EEF2KMT: variants seen among roughly 807,000 people sequenced by gnomAD.
EEF2KMT encodes protein-lysine N-methyltransferase EEF2KMT.
In EEF2KMT, 30 loss-of-function variants were observed where a neutral mutation model predicts 35.1. The ratio of observed to expected loss-of-function variants is 0.85; its 90% confidence interval spans 0.64 to 1.16. EEF2KMT has a LOEUF of 1.16. Ranked by LOEUF, EEF2KMT falls within the 50% of genes most tolerant of loss-of-function variation. EEF2KMT has a pLI of 0.00. For missense variants in EEF2KMT, 499 were observed against 438.2 expected (o/e 1.14, Z -1.24); for synonymous variants, 190 against 187.7 (o/e 1.01, Z -0.10).
At chr16:5,088,101 C>G (rs1950451105) in intron 7 of EEF2KMT, among the ~76,000 whole-genome samples, 1 of 151,966 alleles carries the variant, frequency 6.6e-6, no homozygotes. Flanking sequence ...GCAACCACAT[C>G]TGGCTAGCTT....
In EEF2KMT at chr16:5,085,156, G is replaced by C; in HGVS notation, c.*476C>G. 1.6e-6 allele frequency: 1 copy of C among 612,648 alleles called. No homozygotes were observed. Among genetic ancestry groups the C allele is most frequent in the South Asian group, 2.0e-5 (1 of 49,768 alleles). 38.0% of individuals were successfully genotyped at this position (612,648 alleles called of 1,614,324 possible). A position where few individuals can be genotyped will look rare whatever the true frequency, so the allele number is the denominator to read the frequency against. ...CGTATTACTGTTCTGTGACTTCCCT[G>C]TGACCTCTGCAGAACTCCTCATCCT... On this transcript the variant is annotated 3_prime_UTR_variant, in exon 8 of 8. Transcript: ENST00000427587.
chr16:5,093,812 A>G (rs1769174117), intron 2 of EEF2KMT, among the ~76,000 whole-genome samples: 1 of 152,220 alleles, frequency 6.6e-6, no homozygotes, highest in African/African-American at 2.4e-5. Flanking sequence ...GCAGGAACAC[A>G]GGGCATGTGG....
At position 5,084,500 on chromosome 16, in the gene EEF2KMT, G is replaced by C. The variant is rs540579534; in HGVS notation, c.*1132C>G. On this transcript the variant is annotated 3_prime_UTR_variant, in exon 8 of 8. Coordinates refer to ENST00000427587, the MANE Select transcript of EEF2KMT (RefSeq NM_201400.4). ...GTGCTCACAGGGGAATGGGCAGCAC[G>C]TAGAGGCCGGGAGGTGCTCCAGGGC... The C allele has an allele frequency of 3.1e-6, 2 of 636,022 alleles. No individual in the cohort carries two copies. Among genetic ancestry groups the C allele is most frequent in the Admixed American group, 2.6e-5 (1 of 38,924 alleles). 39.4% of individuals were successfully genotyped at this position (636,022 alleles called of 1,614,324 possible).
At chr16:5,097,516 GC>G in intron 1 of EEF2KMT, 127 bp downstream of exon 1, 1 of 1,474,768 alleles carries the variant, frequency 6.8e-7, no homozygotes, top group South Asian at 1.3e-5. Flanking sequence ...GGGTCGCGCG[GC>G]CCTGACCGGC....
At position 5,089,213 on chromosome 16, in the gene EEF2KMT, G is replaced by T; in HGVS notation, c.786C>A (p.Val262=). 6.2e-7 allele frequency: 1 copy of T among 1,610,008 alleles called. No individual in the cohort carries two copies. Among genetic ancestry groups the T allele is most frequent in the Non-Finnish European group, 8.5e-7 (1 of 1,179,852 alleles). Residue 262 remains valine, a synonymous_variant, in exon 7 of 8, where the codon GTC becomes GTA. Coordinates refer to ENST00000427587, the MANE Select transcript of EEF2KMT (RefSeq NM_201400.4). ...CPEAIMSLVG[V]LRRLAACREH... ...CCCGGCAGGCAGCCAGCCTCCGCAG[G>T]ACCCCGACCAGCGACATGATGGCTT...
intron 6 of EEF2KMT, 90 bp downstream of exon 6, chr16:5,089,994 C>A: frequency 6.4e-7 from 1 of 1,563,054 alleles, no homozygotes; most frequent in East Asian, 2.3e-5. Flanking sequence ...CCATGCCCGA[C>A]AGCGTCCATT....
At chr16:5,089,872 A>G (rs974865783) in intron 6 of EEF2KMT, among the ~76,000 whole-genome samples, 4 of 152,204 alleles carry the variant, frequency 2.6e-5, no homozygotes, top group Non-Finnish European at 4.4e-5. Flanking sequence ...GAACGGGAGT[A>G]TGCCTGTCTC....
intron 7 of EEF2KMT, chr16:5,087,001 T>C (rs1408054582): frequency 2.6e-5 from 4 of 152,196 alleles, no homozygotes; most frequent in Non-Finnish European, 1.5e-5. Context: ...ATCACAGTTT[T>C]TTGTTACGAG....
chr16:5,090,778 T>C lies in EEF2KMT; in HGVS notation c.343-213A>G, dbSNP rs562370931. 8.5e-5 allele frequency among the ~76,000 whole-genome samples: 13 copies of C among 152,176 alleles called. No homozygotes were observed. The highest frequency in any genetic ancestry group is 2.2e-4 in the African/African-American group (9 of 41,526). ...ACACTCATCTCAGGCCACACAGGAT[T>C]CCATTCATCGAACCTTCCTGAGACA... On this transcript the variant is annotated intron_variant, in intron 4 of 7. Transcript: ENST00000427587. The surrounding 1 kb of genome is among the most constrained non-coding windows in gnomAD (Gnocchi z 4.1).
At position 5,089,264 on chromosome 16, in the gene EEF2KMT, G is replaced by A. The variant is rs377457637; in HGVS notation, c.743-8C>T. On this transcript the variant is annotated splice_region_variant and splice_polypyrimidine_tract_variant and intron_variant, in intron 6 of 7. Transcript: ENST00000427587. ...CTGGGCAATACAGCACATCTATGGT[G>A]AAAGCTTCAGGTTACTGAAAGGGAC... is the stretch of plus-strand genomic sequence containing the variant. 6.3e-5 allele frequency: 101 copies of A among 1,602,410 alleles called. No homozygotes were observed. In the African/African-American group the frequency reaches 1.1e-3, roughly 18 times the overall value.
At chr16:5,095,613 G>T in intron 1 of EEF2KMT, 99 bp from the exon 2 acceptor site, 1 of 1,575,396 alleles carries the variant, frequency 6.3e-7, no homozygotes, top group Non-Finnish European at 8.7e-7. Context: ...ATCCCTCCCT[G>T]GGGACGTGGA....
rs1427383810 is a variant in EEF2KMT at position 5,090,098 on chromosome 16, A to G, written c.728T>C (p.Val243Ala). The G allele has an allele frequency of 3.7e-6, 6 of 1,605,962 alleles. No homozygotes were observed. The highest frequency in any genetic ancestry group is 5.1e-6 in the Non-Finnish European group (6 of 1,179,826). Reference protein sequence around the residue: ...VHQLSAFQPDVVIAADVLYCP... With the variant: ...VHQLSAFQPDAVIAADVLYCP... ...CTGGGCATTACCTGCTGCAATGACAACATCTGGCTGGAAGGCAGAGAGCTG... is the reference window on the plus strand; with the variant it reads ...CTGGGCATTACCTGCTGCAATGACAGCATCTGGCTGGAAGGCAGAGAGCTG... The change falls in exon 6 of 8, where the codon GTT (valine) becomes GCT (alanine). Residue 243 changes from valine (V) to alanine (A), a missense_variant. Transcript: ENST00000427587. The surrounding 1 kb of genome is among the most constrained non-coding windows in gnomAD (Gnocchi z 4.1).
chr16:5,084,532 T>C lies in EEF2KMT; in HGVS notation c.*1100A>G. Reference sequence around the variant, plus strand: ...CCGGGAGGTGCTCCAGGGCACCAAGTGTGGGAAAGTGGGACATGCGGGGAA... The same window carrying C: ...CCGGGAGGTGCTCCAGGGCACCAAGCGTGGGAAAGTGGGACATGCGGGGAA... On this transcript the variant is annotated 3_prime_UTR_variant, in exon 8 of 8. Transcript: ENST00000427587. 4.1e-6 allele frequency: 3 copies of C among 735,300 alleles called. No individual in the cohort carries two copies. Among genetic ancestry groups the C allele is most frequent in the Non-Finnish European group, 4.5e-6 (2 of 442,280 alleles). The allele number at this position is 735,300 out of a possible 1,614,324, so 45.5% of individuals were successfully genotyped here. A position where few individuals can be genotyped will look rare whatever the true frequency, so the allele number is the denominator to read the frequency against.
Position 5,097,760 on chromosome 16 carries a change from G to C in EEF2KMT, c.-21C>G. On this transcript the variant is annotated 5_prime_UTR_variant, in exon 1 of 8. Coordinates refer to ENST00000427587, the MANE Select transcript of EEF2KMT (RefSeq NM_201400.4). ...GCCATGACGTGGGCGGGGCCGCAGC[G>C]TTGCCGGCAGACCGGGCGGAAGCCC... The C allele has an allele frequency of 2.6e-6, 4 of 1,543,430 alleles. No homozygotes were observed. Among genetic ancestry groups the C allele is most frequent in the Non-Finnish European group, 3.5e-6 (4 of 1,150,494 alleles).
Position 5,091,987 on chromosome 16 carries a change from C to T in EEF2KMT, c.241-92G>A, listed in dbSNP as rs532889848. The T allele has an allele frequency of 8.4e-5, 133 of 1,575,028 alleles. No individual in the cohort carries two copies. The African/African-American group carries it at 9.1e-4, about 11-fold the overall frequency. On this transcript the variant is annotated intron_variant, in intron 3 of 7. Transcript: ENST00000427587. The stretch of plus-strand genomic sequence containing the variant: ...TCACCAAGTTTGGAGGGGAGATTTG[C>T]GATGGAATGGTATAATACCGGCCAG...
Position 5,094,591 on chromosome 16 carries a change from T to C in EEF2KMT, c.159+861A>G, listed in dbSNP as rs533632408. Among the ~76,000 whole-genome samples the C allele has an allele frequency of 4.6e-5, 7 of 152,268 alleles. No individual in the cohort carries two copies. The East Asian group carries it at 1.2e-3, about 25-fold the overall frequency. ...TGCTGGGTTTTAAAGCAGCTCTCCC[T>C]ACATTTCATGCTTCACCACCTACGA... On this transcript the variant is annotated intron_variant, in intron 2 of 7. Transcript: ENST00000427587.
chr16:5,097,249 C>A (rs1957490356), intron 1 of EEF2KMT: 1 of 1,293,140 alleles, frequency 7.7e-7, no homozygotes. Flanking sequence ...AGCCTGTGAC[C>A]CGGTCACCGC....
At chr16:5,089,537 G>C (rs1957295710) in intron 6 of EEF2KMT, 1 of 531,300 alleles carries the variant, frequency 1.9e-6, no homozygotes. Context: ...AGAGGGCTTT[G>C]AATGACACAA....
chr16:5,095,039 C>T (rs1260030801), intron 2 of EEF2KMT, among the ~76,000 whole-genome samples: 2 of 152,166 alleles, frequency 1.3e-5, no homozygotes, highest in Non-Finnish European at 2.9e-5. Flanking sequence ...AGTCCAAACC[C>T]CACCCTGGGC....
Sources: gnomAD v4.1 joint callset for allele counts (sites outside exome capture counted in the v4.1 genomes callset) on GRCh38, gnomAD v4.1.1 for gene constraint, Gnocchi (gnomAD v3.1) non-coding constraint, MANE v1.5 for transcripts, NCBI Gene and HGNC (gene_info 2026-07-23, HGNC 2026-07-21) for gene names.